RNF19A: variants seen among roughly 807,000 people sequenced by gnomAD.
The protein encoded by RNF19A is E3 ubiquitin-protein ligase RNF19A.
A neutral mutation model predicts 75.7 loss-of-function variants in RNF19A; 32 were observed. The observed-to-expected ratio is 0.42, with a 90% CI of 0.32 to 0.57. The LOEUF is 0.57. Ranked by LOEUF, RNF19A falls within the 20% of genes least tolerant of loss-of-function variation. The pLI, the probability that RNF19A is intolerant of heterozygous loss-of-function variation, is 0.10. For missense variants in RNF19A, 782 were observed against 1,036.3 expected (o/e 0.75, Z 3.37); for synonymous variants, 335 against 345.2 (o/e 0.97, Z 0.33).
rs1822400927 is a variant in RNF19A, at chr8:100,317,450, G to C, written c.-242-4078C>G. 2.6e-5 allele frequency among the ~76,000 whole-genome samples: 4 copies of C among 152,194 alleles called. No homozygotes were observed. Among genetic ancestry groups the C allele is most frequent in the Admixed American group, 2.6e-4 (4 of 15,282 alleles). On this transcript the variant is annotated intron_variant, in intron 1 of 3. Transcript: ENST00000519527. The surrounding 1 kb of genome is among the most constrained non-coding windows in gnomAD (Gnocchi z 4.3). ...AGAGAGTGCCAGGGGAAAGGAAATT[G>C]TTTCTTCCTCTTCATGGGACCCATG...
Position 100,264,678 on chromosome 8 carries a change from C to A in RNF19A, c.1299G>T (p.Val433=). The A allele has an allele frequency of 6.2e-7, 1 of 1,603,136 alleles. No homozygotes were observed. The highest frequency in any genetic ancestry group is 1.1e-5 in the South Asian group (1 of 90,306). ...TTTTCAGCATTTTCTTACCTACAGTCACTGCAGCTACTACTGGAGACACGA... is the reference window on the plus strand; with the variant it reads ...TTTTCAGCATTTTCTTACCTACAGTAACTGCAGCTACTACTGGAGACACGA... The part of the protein sequence containing the change: ...SVIVSPVVAA[V]TVGIGVPIML... Residue 433 remains valine (V), a synonymous_variant, in exon 6 of 10, where the codon GTG becomes GTT. Coordinates refer to ENST00000341084, the MANE Select transcript of RNF19A (RefSeq NM_183419.4). This position sits in a 1 kb window ranked among gnomAD's most constrained non-coding sequence, Gnocchi z 4.7.
chr8:100,296,396 C>T (rs1400863675), intron 1 of RNF19A, among the ~76,000 whole-genome samples: 1 of 152,184 alleles, frequency 6.6e-6, no homozygotes, highest in Admixed American at 6.5e-5. Context: ...TAAGCCACCA[C>T]GACCAGCCTC....
intron 1 of RNF19A, among the ~76,000 whole-genome samples, chr8:100,289,059 CAAA>C (rs34638933): frequency 3.2e-5 from 3 of 92,576 alleles, no homozygotes; most frequent in Admixed American, 1.2e-4. Flanking sequence ...GACTCCATCT[CAAA>C]AAAAAAAAAA....
rs1819879919 is a variant in RNF19A at position 100,264,547 on chromosome 8, C to T, written c.1306+124G>A. 2 of 681,030 alleles carry T rather than the reference C, an allele frequency of 2.9e-6. No homozygotes were observed. Among genetic ancestry groups the T allele is most frequent in the Admixed American group, 5.7e-5 (2 of 34,908 alleles). The allele number at this position is 681,030 out of a possible 1,614,324, so 42.2% of individuals were successfully genotyped here. ...GCTCTTGAATCTGTAATACTTTCAA[C>T]CAAGACTTACTGCAGGCTCAATTTA... On this transcript the variant is annotated intron_variant, in intron 6 of 9. Transcript: ENST00000341084. The surrounding 1 kb of genome is among the most constrained non-coding windows in gnomAD (Gnocchi z 4.7).
Position 100,317,144 on chromosome 8 carries a change from C to T in RNF19A, c.-242-3772G>A, listed in dbSNP as rs1279126848. On this transcript the variant is annotated intron_variant, in intron 1 of 3. Transcript: ENST00000519527. This position sits in a 1 kb window ranked among gnomAD's most constrained non-coding sequence, Gnocchi z 4.3. ...CCGCAAGCGCCGCACGCAGCCCAGCCCGGGTTCCCGCTCGCGCCTCTCCCT... is the reference window on the plus strand; with the variant it reads ...CCGCAAGCGCCGCACGCAGCCCAGCTCGGGTTCCCGCTCGCGCCTCTCCCT... 6.6e-6 allele frequency among the ~76,000 whole-genome samples: 1 copy of T among 152,264 alleles called. No individual in the cohort carries two copies. The highest frequency in any genetic ancestry group is 6.5e-5 in the Admixed American group (1 of 15,288).
upstream of RNF19A, among the ~76,000 whole-genome samples, chr8:100,312,679 T>A (rs1232429992): frequency 1.3e-5 from 2 of 152,108 alleles, no homozygotes; most frequent in Admixed American, 1.3e-4. Context: ...ATCCCGGCAC[T>A]TTGGGAGGCT....
chr8:100,329,758 T>C lies in RNF19A; in HGVS notation c.-243+6350A>G, dbSNP rs1056762394. Among the ~76,000 whole-genome samples, 2 of 152,214 alleles carry C rather than the reference T, an allele frequency of 1.3e-5. No homozygotes were observed. The highest frequency in any genetic ancestry group is 4.8e-5 in the African/African-American group (2 of 41,462). ...GTCTTCCAACACTTAAAGGATCGTC[T>C]GATGAAAGAAGAAGTAGCTTCATGG... On this transcript the variant is annotated intron_variant, in intron 1 of 3. Transcript: ENST00000519527. The surrounding 1 kb of genome is among the most constrained non-coding windows in gnomAD (Gnocchi z 4.3).
At chr8:100,334,949 A>G (rs961535208) in intron 1 of RNF19A, among the ~76,000 whole-genome samples, 1 of 152,236 alleles carries the variant, frequency 6.6e-6, no homozygotes, top group Admixed American at 6.5e-5. Context: ...TAGATAGACC[A>G]GCACTAGGGT....
At position 100,335,830 on chromosome 8, in the gene RNF19A, A is replaced by G. The variant is rs144250472; in HGVS notation, c.-243+278T>C. Among the ~76,000 whole-genome samples, 505 of 152,346 alleles carry G rather than the reference A, an allele frequency of 3.3e-3. 3 individuals are homozygous for G. Among genetic ancestry groups the G allele is most frequent in the African/African-American group, 0.012 (490 of 41,586 alleles). On this transcript the variant is annotated intron_variant, in intron 1 of 3. Coordinates refer to the RNF19A transcript ENST00000519527. ...ACAGTCCCTGCGGAGGTGCGGGCCTAGACAGCAGTGCTCTGGTCTAAGTGG... is the reference window on the plus strand; with the variant it reads ...ACAGTCCCTGCGGAGGTGCGGGCCTGGACAGCAGTGCTCTGGTCTAAGTGG...
At chr8:100,296,096 T>C (rs1306043142) in intron 1 of RNF19A, among the ~76,000 whole-genome samples, 1 of 152,180 alleles carries the variant, frequency 6.6e-6, no homozygotes, top group Non-Finnish European at 1.5e-5. Flanking sequence ...TTATTCTTTT[T>C]TTTCTTTTTT....
At chr8:100,293,292 C>T (rs367760896) in intron 1 of RNF19A, among the ~76,000 whole-genome samples, 2 of 152,184 alleles carry the variant, frequency 1.3e-5, no homozygotes, top group South Asian at 4.1e-4. Context: ...TGCAGGTCTC[C>T]TAGCAATGAA....
rs942911941 is a variant in RNF19A, at chr8:100,259,624, A to G, written c.1826+230T>C. Among the ~76,000 whole-genome samples, 4 of 152,112 alleles carry G rather than the reference A, an allele frequency of 2.6e-5. No homozygotes were observed. Among genetic ancestry groups the G allele is most frequent in the African/African-American group, 9.7e-5 (4 of 41,414 alleles). On this transcript the variant is annotated intron_variant, in intron 9 of 9. Transcript: ENST00000341084. This position sits in a 1 kb window ranked among gnomAD's most constrained non-coding sequence, Gnocchi z 4.5. ...AACATTTTCATGATCCCAAAAAGGG[A>G]TCTTGCATCCATTAGCAGTTAGTTA...
intron 2 of RNF19A, among the ~76,000 whole-genome samples, chr8:100,281,003 C>T (rs1297481180): frequency 6.6e-6 from 1 of 152,188 alleles, no homozygotes; most frequent in African/African-American, 2.4e-5. Context: ...AGAACAGGCT[C>T]AATAGAAGGT....
chr8:100,304,114 A>G (rs1821964298), intron 1 of RNF19A, among the ~76,000 whole-genome samples: 2 of 151,622 alleles, frequency 1.3e-5, no homozygotes, highest in South Asian at 4.2e-4. Flanking sequence ...CCACCACCAT[A>G]CCTAGGTAAA....
At chr8:100,321,901 TCAGTAAAC>T (rs564188815) in intron 1 of RNF19A, among the ~76,000 whole-genome samples, 40 of 152,326 alleles carry the variant, frequency 2.6e-4, no homozygotes, top group African/African-American at 7.0e-4. Context: ...CTTAAAATAT[TCAGTAAAC>T]CATGCTGTGA....
chr8:100,274,865 A>G, intron 3 of RNF19A, 88 bp downstream of exon 3: 1 of 1,041,354 alleles, frequency 9.6e-7, no homozygotes, highest in South Asian at 1.6e-5. Context: ...GGCAAGTGAA[A>G]GGAAAACAGG....
At chr8:100,301,307 T>C (rs1048853078) in intron 1 of RNF19A, among the ~76,000 whole-genome samples, 2 of 152,246 alleles carry the variant, frequency 1.3e-5, no homozygotes, top group Non-Finnish European at 2.9e-5. Context: ...GCATTCTTTC[T>C]ACTATCTTAC....
At chr8:100,305,064 T>A (rs1822010106) in intron 1 of RNF19A, among the ~76,000 whole-genome samples, 1 of 152,186 alleles carries the variant, frequency 6.6e-6, no homozygotes, top group Non-Finnish European at 1.5e-5. Flanking sequence ...GCCTCCCTAG[T>A]AGCTGGCATG....
intron 1 of RNF19A, 79 bp downstream of exon 1, chr8:100,309,788 G>C (rs1822225819): frequency 2.0e-6 from 2 of 985,614 alleles, no homozygotes; most frequent in Non-Finnish European, 2.4e-6. Flanking sequence ...GGCCCGGCCA[G>C]AGCTCCCTGG....
Sources: gnomAD v4.1 joint callset for allele counts (sites outside exome capture counted in the v4.1 genomes callset) on GRCh38, gnomAD v4.1.1 for gene constraint, Gnocchi (gnomAD v3.1) non-coding constraint, MANE v1.5 for transcripts, NCBI Gene and HGNC (gene_info 2026-07-23, HGNC 2026-07-21) for gene names.